STK4: variants seen among roughly 807,000 people sequenced by gnomAD.
STK4 encodes serine/threonine-protein kinase 4.
A neutral mutation model predicts 64.9 loss-of-function variants in STK4; 30 were observed. That is an observed-to-expected ratio of 0.46 (90% CI 0.35 to 0.63). STK4 has a LOEUF of 0.63. STK4 is among the 20% of genes least tolerant of loss of function. The pLI is 0.01. For synonymous variants in STK4, 177 were observed against 199.0 expected (o/e 0.89, Z 0.93); for missense variants, 466 against 598.5 (o/e 0.78, Z 2.31).
intron 10 of STK4, among the ~76,000 whole-genome samples, chr20:45,045,463 A>G (rs1340459163): frequency 1.3e-5 from 2 of 152,240 alleles, no homozygotes; most frequent in African/African-American, 4.8e-5. Flanking sequence ...CTATGCTTAC[A>G]TATTAAATAC....
At chr20:45,049,048 G>C (rs932911451) in intron 10 of STK4, among the ~76,000 whole-genome samples, 2 of 151,766 alleles carry the variant, frequency 1.3e-5, no homozygotes, top group East Asian at 3.9e-4. Flanking sequence ...ATGTAAAATA[G>C]CTCAAGTAAA....
At chr20:44,996,337 C>A (rs1381680817) in intron 6 of STK4, among the ~76,000 whole-genome samples, 1 of 152,090 alleles carries the variant, frequency 6.6e-6, no homozygotes, top group Non-Finnish European at 1.5e-5. Flanking sequence ...ATACACCCCC[C>A]CGCCAACCCT....
At chr20:45,009,994 CT>C (rs1373630858) in intron 9 of STK4, among the ~76,000 whole-genome samples, 1 of 150,572 alleles carries the variant, frequency 6.6e-6, no homozygotes, top group East Asian at 1.9e-4. Context: ...TTGACTTCTT[CT>C]TTTCCTATTT....
intron 3 of STK4, among the ~76,000 whole-genome samples, chr20:44,980,412 A>T (rs528533354): frequency 6.6e-6 from 1 of 152,362 alleles, no homozygotes; most frequent in South Asian, 2.1e-4. Context: ...CCATGATAAC[A>T]ATCTAGCCAG....
At chr20:45,066,723 C>T (rs1979609034) in intron 10 of STK4, among the ~76,000 whole-genome samples, 1 of 152,162 alleles carries the variant, frequency 6.6e-6, no homozygotes, top group African/African-American at 2.4e-5. Context: ...GTTAACTCGT[C>T]GTGGTTTTGC....
chr20:45,011,729 A>ATATATATATATATATATT lies in STK4; in HGVS notation c.1147+10377_1147+10378insATATATATATATATATTT, dbSNP rs60170856. Among the ~76,000 whole-genome samples, 175 of 115,340 alleles carry ATATATATATATATATATT rather than the reference A, an allele frequency of 1.5e-3. 3 individuals are homozygous for ATATATATATATATATATT. The highest frequency in any genetic ancestry group is 5.6e-3 in the African/African-American group (154 of 27,442). 75.7% of individuals were successfully genotyped at this position (115,340 alleles called of 152,430 possible). Reference sequence around the variant, plus strand: ...CATACATATATATATATATATATATATTTTTTTTTTTTTTTTTAAGTCAAG... The same window carrying ATATATATATATATATATT: ...CATACATATATATATATATATATATATATATATATATATATATTTTTTTTTTTTTTTTTTTAAGTCAAG... On this transcript the variant is annotated intron_variant, in intron 9 of 10. Transcript: ENST00000372806.
intron 5 of STK4, 97 bp from the exon 6 acceptor site, chr20:44,994,992 GT>G (rs367974350): frequency 0.029 from 22,300 of 765,620 alleles, 216 homozygotes; most frequent in African/African-American, 0.1. Context: ...TTTCTCAGTA[GT>G]TTTTTTTTTT....
At chr20:45,011,729 A>ATTT (rs869113711) in intron 9 of STK4, among the ~76,000 whole-genome samples, 6 of 115,398 alleles carry the variant, frequency 5.2e-5, no homozygotes, top group African/African-American at 2.2e-4. Flanking sequence ...ATATATATAT[A>ATTT]TTTTTTTTTT....
chr20:44,979,394 A>G (rs2067398027), intron 3 of STK4, among the ~76,000 whole-genome samples: 3 of 152,202 alleles, frequency 2.0e-5, no homozygotes, highest in African/African-American at 2.4e-5. Context: ...TGAGGAACTA[A>G]GATTTGTCAA....
At chr20:45,071,714 C>A (rs918812115) in intron 10 of STK4, among the ~76,000 whole-genome samples, 1 of 152,134 alleles carries the variant, frequency 6.6e-6, no homozygotes, top group Admixed American at 6.5e-5. Flanking sequence ...GTTTATCAAA[C>A]TTGAGGATTT....
At chr20:44,990,630 A>T (rs2067615904) in intron 5 of STK4, among the ~76,000 whole-genome samples, 1 of 151,670 alleles carries the variant, frequency 6.6e-6, no homozygotes, top group Non-Finnish European at 1.5e-5. Flanking sequence ...GGCAGTGGGG[A>T]TTGTTAACAT....
At chr20:44,967,124 G>C (rs2067163558) in intron 1 of STK4, 1 of 984,812 alleles carries the variant, frequency 1.0e-6, no homozygotes, top group Non-Finnish European at 1.2e-6. Flanking sequence ...TGAGGGTCTA[G>C]CAAGGGAGGG....
In STK4 at chr20:45,076,587, G is replaced by C. The variant is rs1980533951; in HGVS notation, c.*1411G>C. The C allele has an allele frequency of 2.0e-5, 3 of 152,236 alleles. No individual in the cohort carries two copies. The highest frequency in any genetic ancestry group is 7.2e-5 in the African/African-American group (3 of 41,422). The allele number at this position is 152,236 out of a possible 1,614,324, so 9.4% of individuals were successfully genotyped here. On this transcript the variant is annotated 3_prime_UTR_variant, in exon 11 of 11. Coordinates refer to ENST00000372806, the MANE Select transcript of STK4 (RefSeq NM_006282.5). The surrounding 1 kb of genome is among the most constrained non-coding windows in gnomAD (Gnocchi z 4.0). ...GATCATTCAGTTTCAGCGAGTCCTT[G>C]AGCTCCACAACATCTACCAGATATA...
At position 45,058,202 on chromosome 20, in the gene STK4, CT is replaced by C. The variant is rs541802917; in HGVS notation, c.1306-16812del. Among the ~76,000 whole-genome samples, 333 of 151,626 alleles carry C rather than the reference CT, an allele frequency of 2.2e-3. 3 individuals carry two copies. Among genetic ancestry groups the C allele is most frequent in the African/African-American group, 7.6e-3 (314 of 41,156 alleles). ...ACATGCTTTGTGGAATTCTTGTCTG[CT>C]TTTGTTGCAGATTTTTTTTTTTCTT... On this transcript the variant is annotated intron_variant, in intron 10 of 10. Transcript: ENST00000372806.
At position 45,060,136 on chromosome 20, in the gene STK4, G is replaced by A. The variant is rs16989648; in HGVS notation, c.1306-14882G>A. 5.9e-3 allele frequency among the ~76,000 whole-genome samples: 902 copies of A among 152,292 alleles called. 32 individuals are homozygous for A. The East Asian group carries it at 0.098, about 17-fold the overall frequency. On this transcript the variant is annotated intron_variant, in intron 10 of 10. Transcript: ENST00000372806. ...GTAAAAGAAAAAGATACAGGATTGAGAGAGGAGTTGGAGCTTGTGCTGAGC... is the reference window on the plus strand; with the variant it reads ...GTAAAAGAAAAAGATACAGGATTGAAAGAGGAGTTGGAGCTTGTGCTGAGC...
intron 10 of STK4, among the ~76,000 whole-genome samples, chr20:45,072,116 A>G (rs1418355565): frequency 1.3e-5 from 2 of 152,162 alleles, no homozygotes; most frequent in African/African-American, 4.8e-5. Context: ...AGGGAGTCTT[A>G]TTAAGTAGCT....
intron 9 of STK4, among the ~76,000 whole-genome samples, chr20:45,002,494 A>T (rs916080852): frequency 3.6e-4 from 55 of 152,214 alleles, no homozygotes; most frequent in African/African-American, 1.3e-3. Flanking sequence ...CATTAAATAC[A>T]ATTTGTTCAC....
intron 10 of STK4, among the ~76,000 whole-genome samples, chr20:45,043,733 A>G (rs1465729160): frequency 6.6e-6 from 1 of 152,214 alleles, no homozygotes; most frequent in African/African-American, 2.4e-5. Flanking sequence ...AGGTAAGTAT[A>G]ATGCAAATAT....
intron 10 of STK4, among the ~76,000 whole-genome samples, chr20:45,043,873 T>C (rs2068651993): frequency 6.6e-6 from 1 of 152,198 alleles, no homozygotes; most frequent in Non-Finnish European, 1.5e-5. Flanking sequence ...CCCTCCTTTC[T>C]TGAAACATTG....
Sources: gnomAD v4.1 joint callset for allele counts (sites outside exome capture counted in the v4.1 genomes callset) on GRCh38, gnomAD v4.1.1 for gene constraint, Gnocchi (gnomAD v3.1) non-coding constraint, MANE v1.5 for transcripts, NCBI Gene and HGNC (gene_info 2026-07-23, HGNC 2026-07-21) for gene names.